DLST: variants seen among roughly 807,000 people sequenced by gnomAD.
DLST encodes dihydrolipoamide S-succinyltransferase, also known as dihydrolipoyllysine-residue succinyltransferase component of 2-oxoglutarate dehydrogenase complex, mitochondrial.
DLST carries 17 observed loss-of-function variants against 53.1 expected under a neutral mutation model. That is an observed-to-expected ratio of 0.32 (90% confidence interval 0.22 to 0.48). The LOEUF (loss-of-function observed/expected upper bound fraction) is 0.48. DLST is among the 20% of genes least tolerant of loss of function. DLST has a pLI of 0.99. For missense variants in DLST, 512 were observed against 583.9 expected, an observed-to-expected ratio of 0.88 and a Z score of 1.27; for synonymous variants, 206 against 204.8, an observed-to-expected ratio of 1.01 and a Z score of -0.05.
Position 74,900,325 on chromosome 14 carries a change from A to G in DLST, c.1012A>G (p.Met338Val), listed in dbSNP as rs982640552. ...VVPVIRNVEA[M>V]NFADIERTIT... ...TCCAGTCATCAGGAATGTGGAAGCT[A>G]TGAATTTTGCAGATATTGAACGGAC... Residue 338 changes from methionine to valine, a missense_variant, in exon 13 of 15, where the codon ATG becomes GTG. Physicochemically the swap from Met to Val is conservative, Grantham distance 21. Around this residue, in one of 4 missense-constraint regions of DLST, gnomAD observed 186 missense variants for 260.4 expected, o/e 0.71. Transcript: ENST00000334220. 34 of 1,613,906 alleles carry G rather than the reference A, an allele frequency of 2.1e-5. No homozygotes were observed. The highest frequency in any genetic ancestry group is 2.9e-5 in the Non-Finnish European group (34 of 1,179,922).
Position 74,882,585 on chromosome 14 carries a change from C to G in DLST, c.64-6C>G. The G allele has an allele frequency of 6.2e-7, 1 of 1,613,636 alleles. No individual in the cohort carries two copies. Among genetic ancestry groups the G allele is most frequent in the Non-Finnish European group, 8.5e-7 (1 of 1,179,868 alleles). ...GTGACGTCGATAATGTCTTCTTTCT[C>G]AACAGGGGAACTGCCCTCTAGGGAG... On this transcript the variant is annotated splice_region_variant and splice_polypyrimidine_tract_variant and intron_variant, in intron 1 of 14. Transcript: ENST00000334220.
rs1884321821 is a variant in DLST at position 74,903,122 on chromosome 14, CATTCTAGCACCTTGTTCTTAGAGCAG to C, written c.*803_*828del. On this transcript the variant is annotated 3_prime_UTR_variant, in exon 15 of 15. Coordinates refer to ENST00000334220, the MANE Select transcript of DLST (RefSeq NM_001933.5). ...AACCCCTTTGCTGGTTGCTGGGCCT[CATTCTAGCACCTTGTTCTTAGAGCAG>C]ATTCTAGCACATCATGGCAGTGGGA... 1.3e-5 allele frequency: 2 copies of C among 152,676 alleles called. No individual in the cohort carries two copies. The highest frequency in any genetic ancestry group is 4.1e-4 in the South Asian group (2 of 4,832). 9.5% of individuals were successfully genotyped at this position (152,676 alleles called of 1,614,324 possible). A position where few individuals can be genotyped will look rare whatever the true frequency, so the allele number is the denominator to read the frequency against.
intron 13 of DLST, 103 bp downstream of exon 13, chr14:74,900,475 TA>T (rs1426768924): frequency 5.0e-6 from 5 of 993,342 alleles, no homozygotes; most frequent in South Asian, 4.1e-5. Context: ...GTCAAGTGCA[TA>T]GCCCCTGAGA....
At chr14:74,883,504 A>T (rs532084079) in intron 2 of DLST, among the ~76,000 whole-genome samples, 1 of 151,982 alleles carries the variant, frequency 6.6e-6, no homozygotes, top group Non-Finnish European at 1.5e-5. Context: ...AGACTGAAGG[A>T]GTTTAGATTT....
At chr14:74,891,592 C>G in intron 7 of DLST, 1 of 989,616 alleles carries the variant, frequency 1.0e-6, no homozygotes, top group Non-Finnish European at 1.2e-6. Context: ...AGTGTTGTTT[C>G]TTTTCACATC....
chr14:74,883,620 T>C (rs1250344915), intron 2 of DLST, among the ~76,000 whole-genome samples: 1 of 152,254 alleles, frequency 6.6e-6, no homozygotes, highest in East Asian at 1.9e-4. Context: ...GGGCTTTCTT[T>C]GTGCCAAGCA....
At chr14:74,885,029 T>C (rs1040985229) in intron 2 of DLST, among the ~76,000 whole-genome samples, 1 of 152,108 alleles carries the variant, frequency 6.6e-6, no homozygotes, top group African/African-American at 2.4e-5. Context: ...AACTGAAAGA[T>C]GGGGACATGA....
chr14:74,889,511 G>T (rs1883827137), intron 5 of DLST, 162 bp downstream of exon 5: 1 of 625,534 alleles, frequency 1.6e-6, no homozygotes, highest in East Asian at 2.9e-5. Context: ...TGGGATTACA[G>T]GTGCCCACCA....
chr14:74,881,985 C>G lies in DLST; in HGVS notation c.32C>G (p.Ala11Gly), dbSNP rs920871868. Residue 11 changes from alanine to glycine, a missense_variant, in exon 1 of 15, where the codon GCG becomes GGG. This residue lies in a region of DLST where 129 missense variants were observed against 90.9 expected (regional missense o/e 1.42). Transcript: ENST00000334220. MLSRSRCVSR[A>G]FSRSLSAFQK... The stretch of plus-strand genomic sequence containing the variant: ...TCCCGATCCCGCTGTGTGTCTCGGG[C>G]GTTCAGCCGCTCGCTCTCCGCCTTC... 2 of 1,572,408 alleles carry G rather than the reference C, an allele frequency of 1.3e-6. No individual in the cohort carries two copies. Among genetic ancestry groups the G allele is most frequent in the African/African-American group, 1.4e-5 (1 of 73,256 alleles).
chr14:74,888,569 G>C (rs1883786985), intron 3 of DLST, among the ~76,000 whole-genome samples: 1 of 152,052 alleles, frequency 6.6e-6, no homozygotes, highest in African/African-American at 2.4e-5. Flanking sequence ...AAAATTATCT[G>C]GGTGGCATGT....
chr14:74,889,915 C>A lies in DLST; in HGVS notation c.293C>A (p.Ala98Glu). ...TTTTCAGCTGTTGGAGACACAGTTG[C>A]AGAAGATGAAGTGGTTTGTGAGATT... ...RWEKAVGDTV[A>E]EDEVVCEIET... The change falls in exon 6 of 15, where the codon GCA (alanine) becomes GAA (glutamate). Residue 98 changes from alanine to glutamate, a missense_variant. Physicochemically the swap from Ala to Glu is moderately radical, Grantham distance 107 (BLOSUM62 -1). Coordinates refer to ENST00000334220, the MANE Select transcript of DLST (RefSeq NM_001933.5). 3.1e-6 allele frequency: 5 copies of A among 1,613,966 alleles called. No homozygotes were observed. The highest frequency in any genetic ancestry group is 4.2e-6 in the Non-Finnish European group (5 of 1,179,954).
chr14:74,889,086 CT>C lies in DLST; in HGVS notation c.147-5del. On this transcript the variant is annotated splice_polypyrimidine_tract_variant and splice_region_variant and intron_variant, in intron 3 of 14. Coordinates refer to ENST00000334220, the MANE Select transcript of DLST (RefSeq NM_001933.5). The stretch of plus-strand genomic sequence containing the variant: ...TGTTAAAAGGAGTTAACGTGTGTTT[CT>C]TTTGTAGCATTAACAACAGTGTCTT... 6.2e-7 allele frequency: 1 copy of C among 1,613,960 alleles called. No homozygotes were observed.
chr14:74,883,794 G>T (rs1203244795), intron 2 of DLST, among the ~76,000 whole-genome samples: 3 of 152,184 alleles, frequency 2.0e-5, no homozygotes, highest in African/African-American at 7.2e-5. Context: ...GACCCATCCT[G>T]AACTCTTAAC....
intron 1 of DLST, 144 bp from the exon 2 acceptor site, chr14:74,882,447 C>T: frequency 1.3e-6 from 1 of 746,896 alleles, no homozygotes; most frequent in Non-Finnish European, 2.3e-6. Flanking sequence ...TTGGGTCTGC[C>T]AGCACGGTGT....
At chr14:74,900,491 C>T (rs934814173) in intron 13 of DLST, 119 bp downstream of exon 13, 22 of 837,070 alleles carry the variant, frequency 2.6e-5, no homozygotes, top group Non-Finnish European at 4.3e-5. Context: ...CTGAGAAAAG[C>T]AGTTGCCCAT....
At chr14:74,898,842 T>TA (rs143026227) in intron 11 of DLST, among the ~76,000 whole-genome samples, 12,584 of 152,268 alleles carry the variant, frequency 0.083, 658 homozygotes, top group African/African-American at 0.14. Context: ...CAGGCCCTGT[T>TA]ACCTTGGGGC....
At chr14:74,890,305 T>C (rs1168530444) in intron 6 of DLST, among the ~76,000 whole-genome samples, 1 of 151,954 alleles carries the variant, frequency 6.6e-6, no homozygotes, top group Non-Finnish European at 1.5e-5. Context: ...TTTTTGTATT[T>C]TTTGTAGAGA....
intron 11 of DLST, among the ~76,000 whole-genome samples, chr14:74,899,368 A>T (rs972137114): frequency 5.9e-5 from 9 of 151,916 alleles, no homozygotes; most frequent in Non-Finnish European, 1.2e-4. Context: ...TGCGGAAATG[A>T]TTCCCAAGCC....
chr14:74,882,352 C>T (rs1370998781), intron 1 of DLST, among the ~76,000 whole-genome samples: 3 of 152,196 alleles, frequency 2.0e-5, no homozygotes, highest in African/African-American at 4.8e-5. Flanking sequence ...ATTCGGCGCC[C>T]GTCTCGTCTT....
Sources: allele counts gnomAD v4.1 joint callset (sites outside exome capture counted in the v4.1 genomes callset), GRCh38; gene constraint gnomAD v4.1.1; regional missense constraint gnomAD v4.1.1; transcripts MANE v1.5; gene names NCBI Gene and HGNC (gene_info 2026-07-23, HGNC 2026-07-21).